Variants in CCR5AS observed in about 807,000 individuals in gnomAD.
The protein encoded by CCR5AS is CCR5 antisense RNA.
chr3:46,387,049 G>C (rs540659957), intron 2 of CCR5AS, among the ~76,000 whole-genome samples: 2 of 152,188 alleles, frequency 1.3e-5, no homozygotes, highest in South Asian at 4.2e-4. Context: ...GATAAAGAAA[G>C]AAAAGAGAAA....
intron 3 of CCR5AS, among the ~76,000 whole-genome samples, chr3:46,370,349 G>T (rs2734648): frequency 0.36 from 54,613 of 149,894 alleles, 9,899 homozygotes; most frequent in East Asian, 0.56. Context: ...ACAACAGGTT[G>T]TTTCCGTTTA....
At chr3:46,384,849 CATAGATGATAG>C (rs1300999537) in intron 2 of CCR5AS, among the ~76,000 whole-genome samples, 3 of 149,002 alleles carry the variant, frequency 2.0e-5, no homozygotes, top group East Asian at 2.0e-4. Context: ...GGATAGGGTA[CATAGATGATAG>C]ATAGATAGAT....
Position 46,373,544 on chromosome 3 carries a change from C to T in CCR5AS, n.392-2127G>A, listed in dbSNP as rs1226233564. On this transcript the variant is annotated intron_variant and non_coding_transcript_variant, in intron 2 of 3. Transcript: ENST00000451485. ...CGCTGCTTGTCATGGTCATCTGCTA[C>T]TCGGGAATCCTAAAAACTCTGCTTC... The T allele has an allele frequency of 2.5e-6, 4 of 1,613,310 alleles. No homozygotes were observed. The Admixed American group carries it at 5.0e-5, about 20-fold the overall frequency.
downstream of CCR5AS, among the ~76,000 whole-genome samples, chr3:46,364,057 G>C (rs961916620): frequency 6.6e-6 from 1 of 152,224 alleles, no homozygotes; most frequent in African/African-American, 2.4e-5. Flanking sequence ...AAGTGCAAAG[G>C]GAGAAGCTGT....
At chr3:46,373,858 G>A (rs369373756) in intron 2 of CCR5AS, 23 of 1,613,832 alleles carry the variant, frequency 1.4e-5, no homozygotes, top group Admixed American at 1.2e-4. Context: ...ATTGCCAAAC[G>A]CTTCTGCAAA....
At chr3:46,400,062 C>G (rs1255853561) in intron 1 of CCR5AS, among the ~76,000 whole-genome samples, 1 of 152,124 alleles carries the variant, frequency 6.6e-6, no homozygotes, top group East Asian at 1.9e-4. Context: ...AGCACAATCA[C>G]AGCTCAATGC....
chr3:46,366,675 C>T (rs781651293), intron 3 of CCR5AS, among the ~76,000 whole-genome samples: 1 of 152,166 alleles, frequency 6.6e-6, no homozygotes, highest in Non-Finnish European at 1.5e-5. Flanking sequence ...ATGGAGACAA[C>T]AGCATGGTGA....
At chr3:46,365,215 G>A (rs958136350) in intron 3 of CCR5AS, among the ~76,000 whole-genome samples, 1 of 152,110 alleles carries the variant, frequency 6.6e-6, no homozygotes, top group Non-Finnish European at 1.5e-5. Context: ...GGGAAGAGTC[G>A]ACCAAGGTGG....
chr3:46,387,676 A>C (rs1406390489), intron 2 of CCR5AS, among the ~76,000 whole-genome samples: 1 of 152,186 alleles, frequency 6.6e-6, no homozygotes, highest in African/African-American at 2.4e-5. Flanking sequence ...TGAGCCCTGA[A>C]GGTGGTTGTG....
intron 2 of CCR5AS, among the ~76,000 whole-genome samples, chr3:46,377,732 G>T (rs1013869371): frequency 1.1e-4 from 17 of 151,526 alleles, no homozygotes; most frequent in Non-Finnish European, 2.5e-4. Flanking sequence ...TTGAGATGGA[G>T]TCTCGCTCTG....
At chr3:46,398,441 T>TTATA (rs1295644519) in intron 1 of CCR5AS, among the ~76,000 whole-genome samples, 8 of 152,192 alleles carry the variant, frequency 5.3e-5, no homozygotes, top group Non-Finnish European at 7.4e-5. Flanking sequence ...TCTAAGAAGC[T>TTATA]CCACGCACTA....
rs528371427 is a variant in CCR5AS, at chr3:46,394,013, G to C, written n.164-961C>G. Among the ~76,000 whole-genome samples, 21 of 152,298 alleles carry C rather than the reference G, an allele frequency of 1.4e-4. 1 individual carries two copies. Among genetic ancestry groups the C allele is most frequent in the Admixed American group, 7.8e-4 (12 of 15,302 alleles). Reference sequence around the variant, plus strand: ...GCAAGATGCGTAGGATTCCTTTTCTGTTCAGTGCTCCCCAGCCAATCTTTT... The same window carrying C: ...GCAAGATGCGTAGGATTCCTTTTCTCTTCAGTGCTCCCCAGCCAATCTTTT... On this transcript the variant is annotated intron_variant and non_coding_transcript_variant, in intron 1 of 3. Transcript: ENST00000451485.
intron 2 of CCR5AS, among the ~76,000 whole-genome samples, chr3:46,389,522 G>T (rs1439501161): frequency 6.6e-6 from 1 of 152,206 alleles, no homozygotes; most frequent in Non-Finnish European, 1.5e-5. Context: ...CCTGCTGGAG[G>T]ACTGGAAGAT....
chr3:46,397,719 G>A (rs1429397816), intron 1 of CCR5AS, among the ~76,000 whole-genome samples: 1 of 152,232 alleles, frequency 6.6e-6, no homozygotes, highest in Non-Finnish European at 1.5e-5. Context: ...GGAGCCTGCT[G>A]TTAATAAGGT....
chr3:46,401,251 A>G (rs556076267), intron 1 of CCR5AS, among the ~76,000 whole-genome samples: 110 of 152,350 alleles, frequency 7.2e-4, no homozygotes, highest in Non-Finnish European at 1.4e-3. Context: ...GGAGGTAAGA[A>G]GAAAGGGATC....
chr3:46,374,341 A>T (rs1057136344), intron 2 of CCR5AS: 1 of 183,826 alleles, frequency 5.4e-6, no homozygotes, highest in African/African-American at 2.4e-5. Flanking sequence ...TATTTCAGAA[A>T]TGTACAACTT....
intron 2 of CCR5AS, chr3:46,375,689 T>C (rs1701746168): frequency 6.0e-6 from 1 of 166,776 alleles, no homozygotes; most frequent in African/African-American, 2.4e-5. Context: ...TAGGTACTTA[T>C]TCCAGATGCC....
chr3:46,394,788 G>A (rs567062658), intron 1 of CCR5AS, among the ~76,000 whole-genome samples: 5 of 152,320 alleles, frequency 3.3e-5, no homozygotes, highest in Non-Finnish European at 5.9e-5. Flanking sequence ...GAAATGGTAA[G>A]TGGCATCTTG....
chr3:46,401,194 CT>C (rs1164367372), intron 1 of CCR5AS, among the ~76,000 whole-genome samples: 2 of 152,120 alleles, frequency 1.3e-5, no homozygotes, highest in African/African-American at 4.8e-5. Context: ...AATTAAGTGG[CT>C]TTATGTGTTC....
Sources: allele counts gnomAD v4.1 joint callset (sites outside exome capture counted in the v4.1 genomes callset), GRCh38; gene constraint gnomAD v4.1.1; transcripts MANE v1.5; gene names NCBI Gene and HGNC (gene_info 2026-07-23, HGNC 2026-07-21).